IFT140: variants seen among roughly 807,000 people sequenced by gnomAD.
IFT140 encodes the protein intraflagellar transport 140, also known as intraflagellar transport protein 140 homolog.
A neutral mutation model predicts 164.6 loss-of-function variants in IFT140; 133 were observed. That is an observed-to-expected ratio of 0.81 (90% CI 0.70 to 0.93). The LOEUF is 0.93. Ranked by LOEUF, IFT140 falls within the 40% of genes least tolerant of loss-of-function variation. The pLI, the probability that IFT140 is intolerant of heterozygous loss-of-function variation, is 0.00. For synonymous variants in IFT140, 860 were observed against 817.3 expected, an observed-to-expected ratio of 1.05 and a Z score of -0.89; for missense variants, 2,045 against 1,972.3, an observed-to-expected ratio of 1.04 and a Z score of -0.70.
rs762817061 is a variant in IFT140, at chr16:1,592,549, G to A, written c.409C>T (p.Arg137Ter). Reference protein sequence around the residue: ...LLLWRLDQRGRVQGTPLLKHE... With the variant: ...LLLWRLDQRG ...TTCAGCAGAGGCGTCCCTTGCACTC[G>A]GCCCCTTTGGTCCAACCTCCACAAG... is the stretch of plus-strand genomic sequence containing the variant. Residue 137 changes from arginine (R) to a stop codon, truncating the protein, a stop_gained, in exon 5 of 31, where the codon CGA (arginine) becomes TGA (stop). Coordinates refer to ENST00000426508, the MANE Select transcript of IFT140 (RefSeq NM_014714.4). LOFTEE classifies it high-confidence loss of function. 13 of 1,614,094 alleles carry A rather than the reference G, an allele frequency of 8.1e-6. No individual in the cohort carries two copies. Among genetic ancestry groups the A allele is most frequent in the Middle Eastern group, 1.6e-4 (1 of 6,084 alleles).
chr16:1,561,074 T>G (rs568773137), intron 18 of IFT140, among the ~76,000 whole-genome samples: 1 of 152,360 alleles, frequency 6.6e-6, no homozygotes, highest in African/African-American at 2.4e-5. Flanking sequence ...GACGTGAGTC[T>G]GAGCCTTAGG....
At chr16:1,565,260 A>AG (rs1596374715) in intron 16 of IFT140, among the ~76,000 whole-genome samples, 1 of 152,274 alleles carries the variant, frequency 6.6e-6, no homozygotes, top group East Asian at 1.9e-4. Context: ...CAGTGGCAGC[A>AG]GGGGGAGAGC....
In IFT140 at chr16:1,553,222, C is replaced by G; in HGVS notation, c.2399+4713G>C. The G allele has an allele frequency of 1.0e-6, 1 of 979,888 alleles. No individual in the cohort carries two copies. The highest frequency in any genetic ancestry group is 1.2e-6 in the Non-Finnish European group (1 of 824,924). The allele number at this position is 979,888 out of a possible 1,614,324, so 60.7% of individuals were successfully genotyped here. On this transcript the variant is annotated intron_variant, in intron 19 of 30. Coordinates refer to ENST00000426508, the MANE Select transcript of IFT140 (RefSeq NM_014714.4). This position sits in a 1 kb window ranked among gnomAD's most constrained non-coding sequence, Gnocchi z 4.4. ...TGTCTCTGTCTCTGTCTCTCTCTGT[C>G]TCCATCTGTCTCTGTGTCTGTCTCT...
chr16:1,594,173 T>C (rs1433976917), intron 4 of IFT140, among the ~76,000 whole-genome samples: 1 of 152,186 alleles, frequency 6.6e-6, no homozygotes, highest in Non-Finnish European at 1.5e-5. Flanking sequence ...GGTGAGCACT[T>C]CCTTTCTGGT....
chr16:1,588,120 T>A lies in IFT140; in HGVS notation c.811-96A>T, dbSNP rs1028487352. 7 of 916,886 alleles carry A rather than the reference T, an allele frequency of 7.6e-6. No individual in the cohort carries two copies. The African/African-American group carries it at 1.0e-4, about 13-fold the overall frequency. The allele number at this position is 916,886 out of a possible 1,614,324, so 56.8% of individuals were successfully genotyped here. The stretch of plus-strand genomic sequence containing the variant: ...GAGTCTCTGGTCCTCAGTGACTTCA[T>A]GGAGACTCACCAAGTGGGGGAAACA... On this transcript the variant is annotated intron_variant, in intron 7 of 30. Coordinates refer to ENST00000426508, the MANE Select transcript of IFT140 (RefSeq NM_014714.4).
intron 4 of IFT140, among the ~76,000 whole-genome samples, chr16:1,596,526 A>G (rs1314526953): frequency 1.3e-5 from 2 of 152,144 alleles, no homozygotes; most frequent in Non-Finnish European, 2.9e-5. Flanking sequence ...TGGATGCAAA[A>G]GTTTAGAGCG....
In IFT140 at chr16:1,520,052, A is replaced by C. The variant is rs1178174760; in HGVS notation, c.3874-5T>G. The C allele has an allele frequency of 1.9e-6, 3 of 1,605,240 alleles. No homozygotes were observed. Among genetic ancestry groups the C allele is most frequent in the Non-Finnish European group, 1.7e-6 (2 of 1,174,930 alleles). ...CTGGTATTCATCAATCTCCACCTGT[A>C]CAGATGAAACCCGTCAAGACCTGCC... On this transcript the variant is annotated splice_polypyrimidine_tract_variant and splice_region_variant and intron_variant, in intron 28 of 30. Coordinates refer to ENST00000426508, the MANE Select transcript of IFT140 (RefSeq NM_014714.4).
At chr16:1,546,694 T>C (rs963633319) in intron 19 of IFT140, among the ~76,000 whole-genome samples, 1 of 152,206 alleles carries the variant, frequency 6.6e-6, no homozygotes, top group Non-Finnish European at 1.5e-5. Context: ...GATCCGTTCA[T>C]GGAGCAGGGC....
At chr16:1,592,966 T>C (rs1050486867) in intron 4 of IFT140, among the ~76,000 whole-genome samples, 3 of 149,130 alleles carry the variant, frequency 2.0e-5, no homozygotes, top group South Asian at 2.2e-4. Flanking sequence ...GGGACAGGTG[T>C]CCCGGCAGAG....
At chr16:1,541,045 G>A (rs565814371) in intron 19 of IFT140, 22 of 985,262 alleles carry the variant, frequency 2.2e-5, no homozygotes, top group East Asian at 1.1e-4. Context: ...GAAACGTGAC[G>A]AGCCCTGGTC....
chr16:1,590,222 AT>A (rs1269961235), intron 6 of IFT140, among the ~76,000 whole-genome samples: 15 of 146,546 alleles, frequency 1.0e-4, no homozygotes, highest in Non-Finnish European at 1.8e-4. Context: ...AAAAAAAAAA[AT>A]TAAAAATGAA....
At chr16:1,524,235 A>G in intron 24 of IFT140, 2 of 606,164 alleles carry the variant, frequency 3.3e-6, no homozygotes, top group Admixed American at 3.1e-5. Context: ...TGTGTGGTGC[A>G]GAACGCCCAA....
intron 19 of IFT140, chr16:1,554,938 T>C: frequency 1.2e-6 from 2 of 1,614,160 alleles, no homozygotes; most frequent in Non-Finnish European, 1.7e-6. Context: ...GAGGACTGCA[T>C]GGCCCCCCGG....
At chr16:1,514,060 TAAAG>T (rs2040269617) in intron 30 of IFT140, among the ~76,000 whole-genome samples, 1 of 151,262 alleles carries the variant, frequency 6.6e-6, no homozygotes, top group African/African-American at 2.4e-5. Context: ...CTTCCAGGCT[TAAAG>T]AATCAGAATC....
intron 30 of IFT140, chr16:1,513,288 G>A (rs188903831): frequency 6.6e-6 from 1 of 152,278 alleles, no homozygotes; most frequent in Non-Finnish European, 1.5e-5. Flanking sequence ...AGGAGATCAA[G>A]ACCATCCTGG....
chr16:1,598,782 C>T (rs1486068597), intron 4 of IFT140, among the ~76,000 whole-genome samples: 3 of 152,356 alleles, frequency 2.0e-5, no homozygotes, highest in South Asian at 2.1e-4. Flanking sequence ...AAGGAGCAGC[C>T]GCCTGCCTTG....
intron 19 of IFT140, among the ~76,000 whole-genome samples, chr16:1,556,739 T>C (rs531822555): frequency 3.8e-4 from 58 of 152,096 alleles, no homozygotes; most frequent in Non-Finnish European, 6.8e-4. Context: ...AACTTTTTTA[T>C]GACAAGGAAT....
chr16:1,563,916 C>T (rs1269130621), intron 17 of IFT140, 81 bp downstream of exon 17: 16 of 1,385,366 alleles, frequency 1.2e-5, no homozygotes, highest in African/African-American at 4.4e-5. Context: ...CGTGAGCCAC[C>T]GTGCCCAGCC....
intron 30 of IFT140, among the ~76,000 whole-genome samples, chr16:1,513,957 G>C (rs570880291): frequency 6.6e-6 from 1 of 151,598 alleles, no homozygotes; most frequent in East Asian, 2.0e-4. Context: ...ACAGGCGTGA[G>C]CCACTGCACC....
Sources: allele counts gnomAD v4.1 joint callset (sites outside exome capture counted in the v4.1 genomes callset), GRCh38; gene constraint gnomAD v4.1.1; non-coding constraint Gnocchi (gnomAD v3.1); transcripts MANE v1.5; gene names NCBI Gene and HGNC (gene_info 2026-07-23, HGNC 2026-07-21).